The following EXOC6 variants were observed in gnomAD, a reference collection of about 807,000 sequenced individuals.
EXOC6 encodes exocyst complex component 6.
EXOC6 carries 60 observed loss-of-function variants against 112.5 expected under a neutral mutation model. That is an observed-to-expected ratio of 0.53 (90% CI 0.43 to 0.66). The LOEUF is 0.66. EXOC6 is among the 30% of genes least tolerant of loss of function. EXOC6 has a pLI of 0.00. For missense variants in EXOC6, 855 were observed against 957.1 expected (o/e 0.89, Z 1.41); for synonymous variants, 295 against 308.0 (o/e 0.96, Z 0.44).
chr10:92,995,259 C>T (rs1403656928), intron 18 of EXOC6, among the ~76,000 whole-genome samples: 1 of 152,088 alleles, frequency 6.6e-6, no homozygotes, highest in Non-Finnish European at 1.5e-5. Flanking sequence ...CACCAGGTTT[C>T]TGGAATAGCC....
intron 18 of EXOC6, among the ~76,000 whole-genome samples, chr10:92,995,559 C>T (rs1430574046): frequency 6.6e-6 from 1 of 152,150 alleles, no homozygotes; most frequent in African/African-American, 2.4e-5. Flanking sequence ...AATGACATTT[C>T]CATTAAGTAT....
chr10:92,976,194 C>G (rs1842594521), intron 18 of EXOC6, among the ~76,000 whole-genome samples: 1 of 152,118 alleles, frequency 6.6e-6, no homozygotes, highest in Non-Finnish European at 1.5e-5. Context: ...TCATTGAGAA[C>G]GGGCCATGAT....
intron 8 of EXOC6, among the ~76,000 whole-genome samples, chr10:92,927,190 A>AT (rs1312410658): frequency 1.3e-5 from 2 of 152,042 alleles, no homozygotes; most frequent in African/African-American, 4.8e-5. Flanking sequence ...GGCTTTTGAC[A>AT]TTTTTTTCCT....
chr10:92,922,241 CG>C (rs1851485200), intron 8 of EXOC6, among the ~76,000 whole-genome samples: 1 of 152,118 alleles, frequency 6.6e-6, no homozygotes, highest in South Asian at 2.1e-4. Flanking sequence ...CCACCGTGGC[CG>C]GCCACTAATT....
chr10:93,010,810 C>T (rs1473715447), intron 19 of EXOC6, among the ~76,000 whole-genome samples: 1 of 151,810 alleles, frequency 6.6e-6, no homozygotes, highest in African/African-American at 2.4e-5. Context: ...TTTTATGATC[C>T]ATCATCTGCA....
At chr10:92,882,663 C>G (rs1849023130) in intron 1 of EXOC6, among the ~76,000 whole-genome samples, 1 of 151,750 alleles carries the variant, frequency 6.6e-6, no homozygotes, top group Non-Finnish European at 1.5e-5. Context: ...GATAATTTAT[C>G]TACTATCTTT....
At chr10:93,044,638 T>C (rs2134345640) in intron 20 of EXOC6, among the ~76,000 whole-genome samples, 1 of 152,316 alleles carries the variant, frequency 6.6e-6, no homozygotes, top group South Asian at 2.1e-4. Context: ...GAAATGAGAT[T>C]TGACTCTGAA....
intron 6 of EXOC6, 91 bp downstream of exon 6, chr10:92,909,722 G>T: frequency 1.3e-6 from 1 of 760,938 alleles, no homozygotes; most frequent in African/African-American, 1.8e-5. Context: ...TACATAAAAT[G>T]CTTATTTTTG....
At chr10:92,884,568 C>G (rs1463793499) in intron 1 of EXOC6, among the ~76,000 whole-genome samples, 1 of 151,972 alleles carries the variant, frequency 6.6e-6, no homozygotes, top group Non-Finnish European at 1.5e-5. Flanking sequence ...TTTATTTTGT[C>G]TAGAAAAGAA....
chr10:93,039,997 AT>A (rs1344438750), intron 20 of EXOC6, among the ~76,000 whole-genome samples: 1 of 152,156 alleles, frequency 6.6e-6, no homozygotes, highest in Non-Finnish European at 1.5e-5. Context: ...TTTGTAGACC[AT>A]TGTTCCTCCA....
intron 5 of EXOC6, among the ~76,000 whole-genome samples, chr10:92,904,709 A>G (rs1487796264): frequency 1.3e-5 from 2 of 152,058 alleles, no homozygotes; most frequent in Non-Finnish European, 2.9e-5. Flanking sequence ...TGTTTCGAAC[A>G]TATTTTCTCC....
At chr10:92,876,300 A>G (rs940372765) in intron 1 of EXOC6, among the ~76,000 whole-genome samples, 1 of 152,232 alleles carries the variant, frequency 6.6e-6, no homozygotes, top group African/African-American at 2.4e-5. Context: ...GCTAACATCT[A>G]TTGAACATTG....
intron 1 of EXOC6, among the ~76,000 whole-genome samples, chr10:92,839,900 G>A (rs1385968845): frequency 6.6e-6 from 1 of 152,116 alleles, no homozygotes; most frequent in Non-Finnish European, 1.5e-5. Context: ...GGAAAAATAG[G>A]AGGAAAAGGG....
chr10:92,963,702 CCT>C (rs1324539486), intron 17 of EXOC6, among the ~76,000 whole-genome samples: 2 of 151,898 alleles, frequency 1.3e-5, no homozygotes, highest in African/African-American at 2.4e-5. Context: ...CCATATTACC[CCT>C]GTTAGTGTCA....
At chr10:92,852,383 C>T (rs978006021) in intron 1 of EXOC6, among the ~76,000 whole-genome samples, 7 of 152,080 alleles carry the variant, frequency 4.6e-5, no homozygotes, top group African/African-American at 1.7e-4. Context: ...TCAACATTAA[C>T]CTGATACCAG....
intron 18 of EXOC6, among the ~76,000 whole-genome samples, chr10:92,991,169 G>A (rs374085232): frequency 2.1e-3 from 320 of 150,448 alleles, no homozygotes; most frequent in African/African-American, 7.7e-3. Flanking sequence ...CAGGTGTGGT[G>A]CCTCACACCT....
At chr10:92,913,308 C>A (rs1197635995) in intron 6 of EXOC6, among the ~76,000 whole-genome samples, 1 of 152,128 alleles carries the variant, frequency 6.6e-6, no homozygotes, top group Non-Finnish European at 1.5e-5. Context: ...TTCTGTTTCC[C>A]CCTCTACATA....
chr10:92,880,666 G>A (rs549834710), intron 1 of EXOC6, among the ~76,000 whole-genome samples: 2 of 152,148 alleles, frequency 1.3e-5, no homozygotes, highest in Admixed American at 6.5e-5. Flanking sequence ...TAAAAAAAAT[G>A]GGAAAATTTC....
chr10:92,892,742 A>C (rs1564806488), intron 1 of EXOC6, among the ~76,000 whole-genome samples: 1 of 152,318 alleles, frequency 6.6e-6, no homozygotes, highest in East Asian at 1.9e-4. Flanking sequence ...GTAGGAATGA[A>C]TATGCCATGT....
Sources: allele counts gnomAD v4.1 joint callset (sites outside exome capture counted in the v4.1 genomes callset), GRCh38; gene constraint gnomAD v4.1.1; transcripts MANE v1.5; gene names NCBI Gene and HGNC (gene_info 2026-07-23, HGNC 2026-07-21).